Variants in MED15 observed in about 807,000 individuals in gnomAD.
The protein encoded by MED15 is mediator complex subunit 15.
In MED15, 41 loss-of-function variants were observed where a neutral mutation model predicts 118.7. The ratio of observed to expected loss-of-function variants is 0.35; its 90% CI spans 0.27 to 0.45. The LOEUF (loss-of-function observed/expected upper bound fraction) is 0.45, where lower values mean the gene tolerates loss of function less well. Ranked by LOEUF, MED15 falls within the 20% of genes least tolerant of loss-of-function variation. The pLI is 1.00. For missense variants in MED15, 740 were observed against 1,025.5 expected (o/e 0.72, Z 3.80); for synonymous variants, 436 against 413.9 (o/e 1.05, Z -0.65).
intron 1 of MED15, among the ~76,000 whole-genome samples, chr22:20,531,162 T>C (rs2054846892): frequency 6.8e-6 from 1 of 147,940 alleles, no homozygotes; most frequent in Non-Finnish European, 1.5e-5. Context: ...TTAAGTTTGA[T>C]GCCCTGTGCT....
At chr22:20,519,276 A>T (rs2054360961) in intron 1 of MED15, among the ~76,000 whole-genome samples, 1 of 152,142 alleles carries the variant, frequency 6.6e-6, no homozygotes, top group Non-Finnish European at 1.5e-5. Flanking sequence ...CCTCAACTTT[A>T]GTAATGACTC....
chr22:20,535,563 C>G (rs1269416301), intron 1 of MED15, among the ~76,000 whole-genome samples: 1 of 144,472 alleles, frequency 6.9e-6, no homozygotes, highest in Non-Finnish European at 1.5e-5. Context: ...TGCTTTCTTT[C>G]TTTTTTTTTT....
rs1050994881 is a variant in MED15 at position 20,586,767 on chromosome 22, A to T, written c.*63A>T. 3.1e-6 allele frequency: 5 copies of T among 1,592,040 alleles called. No homozygotes were observed. The highest frequency in any genetic ancestry group is 2.2e-5 in the East Asian group (1 of 44,588). On this transcript the variant is annotated 3_prime_UTR_variant, in exon 18 of 18. Coordinates refer to ENST00000263205, the MANE Select transcript of MED15 (RefSeq NM_001003891.3). Reference sequence around the variant, plus strand: ...CAAGGACACACGCCTCCTGTCAGACACTTCTAGGTGTTGGCTTCCTTAGAG... The same window carrying T: ...CAAGGACACACGCCTCCTGTCAGACTCTTCTAGGTGTTGGCTTCCTTAGAG...
Position 20,555,154 on chromosome 22 carries a change from T to C in MED15, c.451+6T>C. On this transcript the variant is annotated splice_donor_region_variant and intron_variant, in intron 5 of 17. Transcript: ENST00000263205. Reference sequence around the variant, plus strand: ...GTCTACGGCAACTCCACAGAGTGAGTACCACACTTCTTGGAGGATTTGCCG... The same window carrying C: ...GTCTACGGCAACTCCACAGAGTGAGCACCACACTTCTTGGAGGATTTGCCG... 6.3e-7 allele frequency: 1 copy of C among 1,586,300 alleles called. No individual in the cohort carries two copies. The highest frequency in any genetic ancestry group is 8.6e-7 in the Non-Finnish European group (1 of 1,166,654).
At chr22:20,515,168 G>C (rs2054204823) in intron 1 of MED15, among the ~76,000 whole-genome samples, 1 of 152,192 alleles carries the variant, frequency 6.6e-6, no homozygotes, top group Admixed American at 6.5e-5. Context: ...GGAGTTCAGG[G>C]CTTTCTCAAC....
chr22:20,531,876 G>A (rs2054876330), intron 1 of MED15, among the ~76,000 whole-genome samples: 1 of 152,264 alleles, frequency 6.6e-6, no homozygotes, highest in Non-Finnish European at 1.5e-5. Flanking sequence ...GACAGCAGGG[G>A]TGCCTGGGTG....
Position 20,586,770 on chromosome 22 carries a change from T to G in MED15, c.*66T>G. On this transcript the variant is annotated 3_prime_UTR_variant, in exon 18 of 18. Transcript: ENST00000263205. Reference sequence around the variant, plus strand: ...GGACACACGCCTCCTGTCAGACACTTCTAGGTGTTGGCTTCCTTAGAGAGC... The same window carrying G: ...GGACACACGCCTCCTGTCAGACACTGCTAGGTGTTGGCTTCCTTAGAGAGC... 6.3e-7 allele frequency: 1 copy of G among 1,587,680 alleles called. No individual in the cohort carries two copies. Among genetic ancestry groups the G allele is most frequent in the Non-Finnish European group, 8.6e-7 (1 of 1,167,654 alleles).
chr22:20,529,625 G>T (rs2054782851), intron 1 of MED15, among the ~76,000 whole-genome samples: 1 of 151,934 alleles, frequency 6.6e-6, no homozygotes, highest in African/African-American at 2.4e-5. Context: ...TTGAGACAGA[G>T]TTTCACTCTT....
At chr22:20,555,226 T>C in intron 5 of MED15, 78 bp downstream of exon 5, 1 of 1,363,700 alleles carries the variant, frequency 7.3e-7, no homozygotes, top group Non-Finnish European at 9.9e-7. Flanking sequence ...CTTATGATGG[T>C]ATCAAGAAAA....
At chr22:20,531,736 C>T (rs943341652) in intron 1 of MED15, among the ~76,000 whole-genome samples, 1 of 152,258 alleles carries the variant, frequency 6.6e-6, no homozygotes, top group African/African-American at 2.4e-5. Context: ...CCACTGCACA[C>T]AAAAGTGGAC....
chr22:20,532,117 T>C (rs987273435), intron 1 of MED15, among the ~76,000 whole-genome samples: 1 of 152,148 alleles, frequency 6.6e-6, no homozygotes, highest in Non-Finnish European at 1.5e-5. Context: ...CTGGCAGTCA[T>C]GTGACCTGGG....
Position 20,533,954 on chromosome 22 carries a change from G to C in MED15, c.69-3163G>C, listed in dbSNP as rs528382071. On this transcript the variant is annotated intron_variant, in intron 1 of 17. Coordinates refer to ENST00000263205, the MANE Select transcript of MED15 (RefSeq NM_001003891.3). ...GTGCCAGGTGTCTCTGCTGCACCAA[G>C]ACAGTGTCTGTCTGGGGCCTGCCAG... 2.6e-5 allele frequency among the ~76,000 whole-genome samples: 4 copies of C among 152,312 alleles called. No individual in the cohort carries two copies. In the South Asian group the frequency reaches 8.3e-4, roughly 32 times the overall value.
chr22:20,530,145 T>C (rs902814360), intron 1 of MED15, among the ~76,000 whole-genome samples: 7 of 152,156 alleles, frequency 4.6e-5, no homozygotes, highest in Non-Finnish European at 8.8e-5. Context: ...TGTGGTCCTC[T>C]GTGATTTAGG....
intron 1 of MED15, chr22:20,508,158 T>G: frequency 1.6e-6 from 2 of 1,215,458 alleles, no homozygotes; most frequent in Non-Finnish European, 2.1e-6. Context: ...TGAAAGAAAG[T>G]GATGGGAGGA....
At position 20,554,867 on chromosome 22, in the gene MED15, T is replaced by TA; in HGVS notation, c.239-68dup. The TA allele has an allele frequency of 3.4e-6, 5 of 1,449,714 alleles. No homozygotes were observed. In the South Asian group the frequency reaches 6.4e-5, roughly 19 times the overall value. The allele number at this position is 1,449,714 out of a possible 1,614,324, so 89.8% of individuals were successfully genotyped here. On this transcript the variant is annotated intron_variant, in intron 4 of 17. Transcript: ENST00000263205. Reference sequence around the variant, plus strand: ...GGCGAGATCTGTGCTCTGTGAGCCTTACGCCCTTTGAGCCATGGTCAGTCT... The same window carrying TA: ...GGCGAGATCTGTGCTCTGTGAGCCTTAACGCCCTTTGAGCCATGGTCAGTCT...
At chr22:20,552,910 C>A (rs2055837074) in intron 3 of MED15, among the ~76,000 whole-genome samples, 1 of 152,204 alleles carries the variant, frequency 6.6e-6, no homozygotes, top group African/African-American at 2.4e-5. Flanking sequence ...GCCTTGGGGG[C>A]AGCTCCCTAA....
At chr22:20,582,512 C>A (rs766936053) in intron 9 of MED15, 99 bp from the exon 10 acceptor site, 1 of 1,511,224 alleles carries the variant, frequency 6.6e-7, no homozygotes, top group South Asian at 1.2e-5. Flanking sequence ...TGTGGTGAGG[C>A]TGTGCGGGAG....
Position 20,559,012 on chromosome 22 carries a change from C to T in MED15, c.451+3864C>T, listed in dbSNP as rs147571529. 1.7e-3 allele frequency among the ~76,000 whole-genome samples: 254 copies of T among 152,096 alleles called. 1 individual carries two copies. Among genetic ancestry groups the T allele is most frequent in the African/African-American group, 5.5e-3 (230 of 41,452 alleles). On this transcript the variant is annotated intron_variant, in intron 5 of 17. Coordinates refer to ENST00000263205, the MANE Select transcript of MED15 (RefSeq NM_001003891.3). ...TATATAAAGAAATAAAGTGGAGAGCCGGGCACAGTGGCTCACGACTACACT... is the reference window on the plus strand; with the variant it reads ...TATATAAAGAAATAAAGTGGAGAGCTGGGCACAGTGGCTCACGACTACACT...
rs776299334 is a variant in MED15, at chr22:20,508,350, C to T, written c.68+604C>T. ...AAGAGCTGGGGTCAGTGGCCCCGCT[C>T]AGAGGAACTCTAGCCCCTCACCACC... On this transcript the variant is annotated intron_variant, in intron 1 of 17. Coordinates refer to ENST00000263205, the MANE Select transcript of MED15 (RefSeq NM_001003891.3). 5.4e-6 allele frequency: 7 copies of T among 1,304,250 alleles called. No individual in the cohort carries two copies. In the South Asian group the frequency reaches 7.4e-5, roughly 14 times the overall value. 80.8% of individuals were successfully genotyped at this position (1,304,250 alleles called of 1,614,324 possible). A position where few individuals can be genotyped will look rare whatever the true frequency, so the allele number is the denominator to read the frequency against.
Sources: gnomAD v4.1 joint callset for allele counts (sites outside exome capture counted in the v4.1 genomes callset) on GRCh38, gnomAD v4.1.1 for gene constraint, MANE v1.5 for transcripts, NCBI Gene and HGNC (gene_info 2026-07-23, HGNC 2026-07-21) for gene names.